CSMD3: variants seen among roughly 807,000 people sequenced by gnomAD.
The protein encoded by CSMD3 is CUB and sushi domain-containing protein 3.
Under a neutral mutation model 435.2 loss-of-function variants are expected in CSMD3, and 177 were observed. The observed-to-expected ratio is 0.41, with a 90% CI of 0.36 to 0.46. The LOEUF (loss-of-function observed/expected upper bound fraction) is 0.46. CSMD3 is among the 20% of genes least tolerant of loss of function. CSMD3 has a pLI of 0.34. For missense variants in CSMD3, 4,265 were observed against 4,504.6 expected, an observed-to-expected ratio of 0.95 and a Z score of 1.52; for synonymous variants, 1,656 against 1,520.5, an observed-to-expected ratio of 1.09 and a Z score of -2.07.
At chr8:113,376,171 T>C (rs975330655) in intron 1 of CSMD3, among the ~76,000 whole-genome samples, 3 of 152,154 alleles carry the variant, frequency 2.0e-5, no homozygotes, top group Non-Finnish European at 4.4e-5. Context: ...TAAAATTTAA[T>C]TACTTTTAAA....
intron 30 of CSMD3, among the ~76,000 whole-genome samples, chr8:112,496,806 T>C (rs1586518917): frequency 1.3e-5 from 2 of 149,978 alleles, no homozygotes; most frequent in Admixed American, 1.3e-4. Flanking sequence ...GGAAGGGTAG[T>C]AGAGGTGTTG....
At chr8:112,894,103 T>A (rs1481436963) in intron 10 of CSMD3, among the ~76,000 whole-genome samples, 73 of 151,394 alleles carry the variant, frequency 4.8e-4, no homozygotes, top group Non-Finnish European at 1.2e-4. Context: ...AATATCAAAC[T>A]TGGGTTTGTT....
At chr8:113,170,200 A>G (rs1020116864) in intron 4 of CSMD3, among the ~76,000 whole-genome samples, 4 of 152,170 alleles carry the variant, frequency 2.6e-5, no homozygotes, top group Non-Finnish European at 5.9e-5. Flanking sequence ...AGCAGAGGGA[A>G]GGCATGAACT....
intron 1 of CSMD3, among the ~76,000 whole-genome samples, chr8:113,417,066 C>G (rs747138170): frequency 6.6e-6 from 1 of 151,680 alleles, no homozygotes; most frequent in Non-Finnish European, 1.5e-5. Flanking sequence ...TGCCTAGAGA[C>G]AAAAATAAAA....
intron 9 of CSMD3, 100 bp downstream of exon 9, chr8:112,947,690 C>G: frequency 1.6e-6 from 1 of 628,530 alleles, no homozygotes; most frequent in Non-Finnish European, 2.8e-6. Context: ...CAGTTTGATG[C>G]CACTAAGACT....
At chr8:112,234,052 G>A (rs1813336874) in intron 68 of CSMD3, among the ~76,000 whole-genome samples, 1 of 151,280 alleles carries the variant, frequency 6.6e-6, no homozygotes, top group Non-Finnish European at 1.5e-5. Context: ...TATATTTGAT[G>A]AAATCAGTGA....
At chr8:112,611,623 A>C (rs1460812711) in intron 22 of CSMD3, among the ~76,000 whole-genome samples, 2 of 152,198 alleles carry the variant, frequency 1.3e-5, no homozygotes, top group Non-Finnish European at 2.9e-5. Flanking sequence ...TTGGCTTTTT[A>C]GATGGCTGTG....
At chr8:112,484,494 C>A (rs530477906) in intron 31 of CSMD3, among the ~76,000 whole-genome samples, 1 of 134,570 alleles carries the variant, frequency 7.4e-6, no homozygotes, top group Admixed American at 7.2e-5. Flanking sequence ...TCAACACACC[C>A]ACACACACAC....
At chr8:112,825,947 TC>T (rs869059899) in intron 12 of CSMD3, among the ~76,000 whole-genome samples, 3 of 137,316 alleles carry the variant, frequency 2.2e-5, no homozygotes, top group African/African-American at 5.4e-5. Flanking sequence ...AAAAACTAAT[TC>T]TGCTGGTCCC....
Position 112,287,263 on chromosome 8 carries a change from T to C in CSMD3, c.9149-17A>G. 1.2e-6 allele frequency: 2 copies of C among 1,612,964 alleles called. No individual in the cohort carries two copies. Among genetic ancestry groups the C allele is most frequent in the Non-Finnish European group, 1.7e-6 (2 of 1,179,162 alleles). On this transcript the variant is annotated splice_polypyrimidine_tract_variant and intron_variant, in intron 57 of 70. Coordinates refer to ENST00000297405, the MANE Select transcript of CSMD3 (RefSeq NM_198123.2). ...TAGCATCACCTGCAATGCAGTACAGTTCAAGTTAACCAATTCCCATAAACA... is the reference window on the plus strand; with the variant it reads ...TAGCATCACCTGCAATGCAGTACAGCTCAAGTTAACCAATTCCCATAAACA...
chr8:112,273,060 T>C (rs1271633069), intron 59 of CSMD3, among the ~76,000 whole-genome samples: 3 of 152,204 alleles, frequency 2.0e-5, no homozygotes, highest in African/African-American at 7.2e-5. Flanking sequence ...ACTTTCCTTA[T>C]ACTTTTCCTA....
chr8:113,365,520 A>G (rs754377074), intron 1 of CSMD3, among the ~76,000 whole-genome samples: 1 of 152,048 alleles, frequency 6.6e-6, no homozygotes, highest in Non-Finnish European at 1.5e-5. Flanking sequence ...ACTTAAACTA[A>G]TATGTTGTAA....
intron 27 of CSMD3, among the ~76,000 whole-genome samples, chr8:112,524,460 C>T (rs1586594918): frequency 6.6e-6 from 1 of 152,062 alleles, no homozygotes; most frequent in African/African-American, 2.4e-5. Flanking sequence ...CAATCAGATT[C>T]GTTAAATATT....
intron 1 of CSMD3, among the ~76,000 whole-genome samples, chr8:113,328,875 G>A (rs1211798649): frequency 6.7e-6 from 1 of 149,258 alleles, no homozygotes; most frequent in African/African-American, 2.5e-5. Context: ...CAAGTACCAG[G>A]GACTCCAGGC....
chr8:112,646,559 G>A (rs944033584), intron 19 of CSMD3, among the ~76,000 whole-genome samples: 3 of 152,118 alleles, frequency 2.0e-5, no homozygotes, highest in African/African-American at 7.2e-5. Flanking sequence ...ATATGTAGAA[G>A]GGGAAACTTA....
intron 3 of CSMD3, among the ~76,000 whole-genome samples, chr8:113,226,177 G>A (rs2093026302): frequency 6.6e-6 from 1 of 151,418 alleles, no homozygotes; most frequent in Admixed American, 6.6e-5. Context: ...GGTGAGAATG[G>A]ACTAATACAG....
chr8:113,290,875 G>A (rs1442903721), intron 2 of CSMD3, among the ~76,000 whole-genome samples: 1 of 151,044 alleles, frequency 6.6e-6, no homozygotes, highest in Non-Finnish European at 1.5e-5. Flanking sequence ...TGGAAAAATG[G>A]TTAAAATTAA....
intron 27 of CSMD3, among the ~76,000 whole-genome samples, chr8:112,540,399 A>G (rs1826547896): frequency 6.6e-6 from 1 of 152,030 alleles, no homozygotes; most frequent in African/African-American, 2.4e-5. Context: ...TAAAAATACA[A>G]CTACCATATG....
At chr8:112,645,042 T>C (rs900241061) in intron 20 of CSMD3, 67 bp downstream of exon 20, 7 of 859,934 alleles carry the variant, frequency 8.1e-6, no homozygotes, top group African/African-American at 6.6e-5. Context: ...TAAAGGAAAG[T>C]GAAATAAGAA....
Sources: allele counts gnomAD v4.1 joint callset (sites outside exome capture counted in the v4.1 genomes callset), GRCh38; gene constraint gnomAD v4.1.1; transcripts MANE v1.5; gene names NCBI Gene and HGNC (gene_info 2026-07-23, HGNC 2026-07-21).